BTBD9: variants seen among roughly 807,000 people sequenced by gnomAD.
BTBD9 encodes BTB domain containing 9, also known as BTB/POZ domain-containing protein 9.
A neutral mutation model predicts 64.3 loss-of-function variants in BTBD9; 49 were observed. That is an observed-to-expected ratio of 0.76 (90% CI 0.61 to 0.97). The LOEUF is 0.97. BTBD9 is among the 50% of genes least tolerant of loss of function. The pLI is 0.00. For missense variants in BTBD9, 598 were observed against 762.1 expected (o/e 0.78, Z 2.53); for synonymous variants, 260 against 274.7 (o/e 0.95, Z 0.53).
chr6:38,585,449 C>T (rs753667347), intron 4 of BTBD9, among the ~76,000 whole-genome samples: 1 of 152,164 alleles, frequency 6.6e-6, no homozygotes, highest in Non-Finnish European at 1.5e-5. Context: ...TCTGGGACTA[C>T]AGGCACACAC....
At chr6:38,568,084 GGCTAATTGGGAGATTCAA>G (rs1426653432) in intron 6 of BTBD9, among the ~76,000 whole-genome samples, 2 of 152,126 alleles carry the variant, frequency 1.3e-5, no homozygotes, top group Non-Finnish European at 2.9e-5. Context: ...TATAATTAAT[GGCTAATTGGGAGATTCAA>G]GCTATAAATA....
chr6:38,429,229 C>T (rs6911918), intron 6 of BTBD9, among the ~76,000 whole-genome samples: 3,146 of 150,894 alleles, frequency 0.021, 159 homozygotes, highest in African/African-American at 0.072. Flanking sequence ...CTGAGGCAGA[C>T]GGATCACTTG....
chr6:38,426,616 G>A (rs568231921), intron 6 of BTBD9, among the ~76,000 whole-genome samples: 28 of 151,960 alleles, frequency 1.8e-4, no homozygotes, highest in South Asian at 1.2e-3. Flanking sequence ...CTGATCCAGC[G>A]AGGCGCCTAT....
At chr6:38,448,081 G>T (rs1290125588) in intron 6 of BTBD9, among the ~76,000 whole-genome samples, 7 of 152,206 alleles carry the variant, frequency 4.6e-5, no homozygotes, top group African/African-American at 1.4e-4. Context: ...TAATCAGGGT[G>T]TGTCAAGGGA....
At chr6:38,209,583 C>A (rs1387989194) in intron 9 of BTBD9, among the ~76,000 whole-genome samples, 1 of 152,192 alleles carries the variant, frequency 6.6e-6, no homozygotes, top group Non-Finnish European at 1.5e-5. Flanking sequence ...CAGACCACAG[C>A]CCACACCAAT....
intron 6 of BTBD9, among the ~76,000 whole-genome samples, chr6:38,441,345 C>G (rs1000824509): frequency 6.6e-6 from 1 of 152,062 alleles, no homozygotes; most frequent in Admixed American, 6.6e-5. Flanking sequence ...GAGGTGGTTG[C>G]AGGAGACTTT....
chr6:38,223,421 A>G (rs1002837766), intron 9 of BTBD9, among the ~76,000 whole-genome samples: 2 of 152,152 alleles, frequency 1.3e-5, no homozygotes, highest in African/African-American at 4.8e-5. Flanking sequence ...TGCAGCCTCA[A>G]ACTCCTGGGC....
chr6:38,206,136 T>C (rs1361820721), intron 9 of BTBD9, among the ~76,000 whole-genome samples: 1 of 151,950 alleles, frequency 6.6e-6, no homozygotes, highest in African/African-American at 2.4e-5. Context: ...TGTGTTGCTC[T>C]GACAACACAA....
chr6:38,564,062 G>A (rs1029699163), intron 6 of BTBD9, among the ~76,000 whole-genome samples: 3 of 152,082 alleles, frequency 2.0e-5, no homozygotes, highest in South Asian at 2.1e-4. Flanking sequence ...GATTACAGGC[G>A]TGAGCCACCA....
At chr6:38,517,951 G>C (rs1773111069) in intron 6 of BTBD9, among the ~76,000 whole-genome samples, 1 of 152,078 alleles carries the variant, frequency 6.6e-6, no homozygotes, top group Admixed American at 6.5e-5. Flanking sequence ...TAGCCACTAG[G>C]CTTATAGGAA....
chr6:38,601,778 C>T (rs1777250103), intron 1 of BTBD9, among the ~76,000 whole-genome samples: 1 of 152,044 alleles, frequency 6.6e-6, no homozygotes, highest in Non-Finnish European at 1.5e-5. Flanking sequence ...CAGATAATGA[C>T]TGCCCACATG....
At chr6:38,238,450 A>G (rs1763866636) in intron 9 of BTBD9, among the ~76,000 whole-genome samples, 1 of 151,232 alleles carries the variant, frequency 6.6e-6, no homozygotes, top group African/African-American at 2.4e-5. Context: ...GCTTTACAGT[A>G]AGCTGTTGCG....
intron 9 of BTBD9, among the ~76,000 whole-genome samples, chr6:38,199,174 G>T (rs1762371775): frequency 6.6e-6 from 1 of 152,136 alleles, no homozygotes; most frequent in Non-Finnish European, 1.5e-5. Flanking sequence ...GGGGACCTAG[G>T]CACAGCAGAG....
At chr6:38,386,086 G>A (rs563364390) in intron 6 of BTBD9, among the ~76,000 whole-genome samples, 68 of 152,198 alleles carry the variant, frequency 4.5e-4, no homozygotes, top group African/African-American at 1.6e-3. Flanking sequence ...GAGCCACCAC[G>A]CCCAACAATA....
At chr6:38,343,998 A>C (rs1446383804) in intron 7 of BTBD9, among the ~76,000 whole-genome samples, 1 of 152,214 alleles carries the variant, frequency 6.6e-6, no homozygotes, top group Non-Finnish European at 1.5e-5. Context: ...ACATGAACAA[A>C]ACTTGGGAAA....
intron 6 of BTBD9, among the ~76,000 whole-genome samples, chr6:38,554,978 C>T (rs1774953622): frequency 6.6e-6 from 1 of 152,146 alleles, no homozygotes; most frequent in African/African-American, 2.4e-5. Context: ...AACATCAAAG[C>T]TATGGGTGAT....
At chr6:38,601,040 A>C (rs1272350379) in intron 1 of BTBD9, among the ~76,000 whole-genome samples, 1 of 152,044 alleles carries the variant, frequency 6.6e-6, no homozygotes, top group Non-Finnish European at 1.5e-5. Flanking sequence ...TCAAATGGGG[A>C]GCTTAAAAAC....
chr6:38,589,571 CCT>C (rs1562384007), intron 4 of BTBD9, among the ~76,000 whole-genome samples: 2 of 152,198 alleles, frequency 1.3e-5, no homozygotes, highest in African/African-American at 4.8e-5. Context: ...TTCTCTAGCA[CCT>C]CTGATTTCTT....
chr6:38,294,584 T>C (rs560405028), intron 7 of BTBD9, among the ~76,000 whole-genome samples: 105 of 152,108 alleles, frequency 6.9e-4, no homozygotes, highest in Non-Finnish European at 1.4e-3. Context: ...TTCTCACTCA[T>C]AAGTGGGAGT....
Sources: allele counts gnomAD v4.1 joint callset (sites outside exome capture counted in the v4.1 genomes callset), GRCh38; gene constraint gnomAD v4.1.1; transcripts MANE v1.5; gene names NCBI Gene and HGNC (gene_info 2026-07-23, HGNC 2026-07-21).